ADCY8: variants seen among roughly 807,000 people sequenced by gnomAD.
ADCY8 encodes adenylate cyclase type 8.
In ADCY8, 51 loss-of-function variants were observed where a neutral mutation model predicts 119.7. The ratio of observed to expected loss-of-function variants is 0.43; its 90% CI spans 0.34 to 0.54. ADCY8 has a LOEUF of 0.54. Ranked by LOEUF, ADCY8 falls within the 20% of genes least tolerant of loss-of-function variation. The pLI is 0.03. For synonymous variants in ADCY8, 665 were observed against 651.0 expected, an observed-to-expected ratio of 1.02 and a Z score of -0.33; for missense variants, 1,383 against 1,598.8, an observed-to-expected ratio of 0.87 and a Z score of 2.30.
In ADCY8 at chr8:130,819,154, G is replaced by T. The variant is rs1248934370; in HGVS notation, c.2754+2188C>A. Among the ~76,000 whole-genome samples the T allele has an allele frequency of 3.9e-5, 6 of 152,254 alleles. No individual in the cohort carries two copies. In the East Asian group the frequency reaches 1.2e-3, roughly 29 times the overall value. ...TGAAAATCAGAAAGTTAAGTAAATTGTTGAAAGTCACATAGCTACTAAGTG... is the reference window on the plus strand; with the variant it reads ...TGAAAATCAGAAAGTTAAGTAAATTTTTGAAAGTCACATAGCTACTAAGTG... On this transcript the variant is annotated intron_variant, in intron 13 of 17. Coordinates refer to ENST00000286355, the MANE Select transcript of ADCY8 (RefSeq NM_001115.3).
intron 14 of ADCY8, among the ~76,000 whole-genome samples, chr8:130,812,354 C>T (rs1816195848): frequency 6.6e-6 from 1 of 152,168 alleles, no homozygotes; most frequent in Non-Finnish European, 1.5e-5. Context: ...CGAATAGTGC[C>T]TAGTGCCTCC....
chr8:130,924,978 A>G lies in ADCY8; in HGVS notation c.1481+12095T>C, dbSNP rs148926693. On this transcript the variant is annotated intron_variant, in intron 5 of 17. Coordinates refer to ENST00000286355, the MANE Select transcript of ADCY8 (RefSeq NM_001115.3). ...AATCCCAGCACTTTGGGAGGCTGAG[A>G]CAGGTGGATCACAAGGTCAGGAGAT... 3.1e-3 allele frequency among the ~76,000 whole-genome samples: 466 copies of G among 151,792 alleles called. 4 individuals carry two copies. The highest frequency in any genetic ancestry group is 0.01 in the African/African-American group (419 of 41,354).
At chr8:130,991,302 T>G (rs1337000375) in intron 1 of ADCY8, among the ~76,000 whole-genome samples, 1 of 152,234 alleles carries the variant, frequency 6.6e-6, no homozygotes, top group Non-Finnish European at 1.5e-5. Context: ...ATGCAGTGTG[T>G]GGTAGCTATA....
At chr8:130,806,279 C>T (rs929900733) in intron 14 of ADCY8, among the ~76,000 whole-genome samples, 5 of 152,230 alleles carry the variant, frequency 3.3e-5, no homozygotes, top group Admixed American at 3.3e-4. Context: ...CCATGACTGG[C>T]AGTGGCTACT....
At chr8:130,994,778 T>C (rs1468732752) in intron 1 of ADCY8, among the ~76,000 whole-genome samples, 1 of 152,186 alleles carries the variant, frequency 6.6e-6, no homozygotes, top group African/African-American at 2.4e-5. Context: ...AGTTCCTTTA[T>C]TTTTACTGCT....
At chr8:131,023,184 T>C (rs539589192) in intron 1 of ADCY8, among the ~76,000 whole-genome samples, 2 of 152,246 alleles carry the variant, frequency 1.3e-5, no homozygotes, top group Non-Finnish European at 1.5e-5. Flanking sequence ...TCAGATATGG[T>C]AGGTGTGTAG....
intron 1 of ADCY8, among the ~76,000 whole-genome samples, chr8:131,008,431 C>T (rs1037327171): frequency 6.6e-6 from 1 of 152,150 alleles, no homozygotes; most frequent in Non-Finnish European, 1.5e-5. Context: ...AAGCGTCTGG[C>T]ATGTCCCCTG....
intron 8 of ADCY8, among the ~76,000 whole-genome samples, chr8:130,874,345 AT>A (rs1473720149): frequency 4.6e-5 from 7 of 151,626 alleles, no homozygotes; most frequent in South Asian, 2.1e-4. Context: ...AAATAAATAA[AT>A]AAATAAATAA....
Position 131,026,246 on chromosome 8 carries a change from C to G in ADCY8, c.960+13128G>C, listed in dbSNP as rs550912153. 3.3e-5 allele frequency among the ~76,000 whole-genome samples: 5 copies of G among 152,268 alleles called. No homozygotes were observed. In the East Asian group the frequency reaches 7.7e-4, roughly 24 times the overall value. On this transcript the variant is annotated intron_variant, in intron 1 of 17. Transcript: ENST00000286355. ...TAGAAAAAAGGCCTCAGAGAGCTGC[C>G]TTGTCTCTTTCATCCTGCAAGGACA...
At chr8:130,896,537 C>G (rs149193665) in intron 7 of ADCY8, among the ~76,000 whole-genome samples, 1 of 152,070 alleles carries the variant, frequency 6.6e-6, no homozygotes, top group Non-Finnish European at 1.5e-5. Flanking sequence ...CAATATCACT[C>G]AATAAGAGAA....
chr8:130,961,653 C>A (rs1821610278), intron 2 of ADCY8, among the ~76,000 whole-genome samples: 1 of 152,152 alleles, frequency 6.6e-6, no homozygotes, highest in African/African-American at 2.4e-5. Context: ...GTTTAGTTGT[C>A]TGGTTCCCCT....
intron 2 of ADCY8, among the ~76,000 whole-genome samples, chr8:130,962,830 G>C (rs947998790): frequency 1.3e-5 from 2 of 152,204 alleles, no homozygotes; most frequent in African/African-American, 4.8e-5. Context: ...TGCAGGCAAA[G>C]TGGCATTAAC....
intron 1 of ADCY8, chr8:130,990,773 G>T: frequency 4.8e-6 from 2 of 414,200 alleles, no homozygotes; most frequent in Non-Finnish European, 8.4e-6. Context: ...TTCTCCCCAG[G>T]TTTAGACTGG....
rs574997283 is a variant in ADCY8, at chr8:130,859,068, T to C, written c.2210+8778A>G. Among the ~76,000 whole-genome samples the C allele has an allele frequency of 2.6e-5, 4 of 152,264 alleles. No individual in the cohort carries two copies. In the South Asian group the frequency reaches 8.3e-4, roughly 32 times the overall value. ...AGGAGCCCTGGTTCCTTTTATTGGA[T>C]ATCGGCATTAGAAACCAAGATGTGA... On this transcript the variant is annotated intron_variant, in intron 9 of 17. Transcript: ENST00000286355.
chr8:130,804,143 T>C (rs1483772971), intron 14 of ADCY8, among the ~76,000 whole-genome samples: 1 of 152,230 alleles, frequency 6.6e-6, no homozygotes, highest in Non-Finnish European at 1.5e-5. Flanking sequence ...AAGTCTCTGT[T>C]TACTGTATTA....
In ADCY8 at chr8:130,830,998, A is replaced by G. The variant is rs192451768; in HGVS notation, c.2675+5279T>C. Among the ~76,000 whole-genome samples, 3 of 152,362 alleles carry G rather than the reference A, an allele frequency of 2.0e-5. No homozygotes were observed. In the East Asian group the frequency reaches 5.8e-4, roughly 29 times the overall value. On this transcript the variant is annotated intron_variant, in intron 12 of 17. Coordinates refer to ENST00000286355, the MANE Select transcript of ADCY8 (RefSeq NM_001115.3). The stretch of plus-strand genomic sequence containing the variant: ...TTAGAATACATAAGTAATAAAGACT[A>G]TGAGAGGACAAAACACTAAATGCTT...
intron 5 of ADCY8, among the ~76,000 whole-genome samples, chr8:130,914,025 T>C (rs1820056877): frequency 6.6e-6 from 1 of 152,216 alleles, no homozygotes; most frequent in African/African-American, 2.4e-5. Context: ...GCCTGGCCTA[T>C]AATAAGGACT....
intron 5 of ADCY8, among the ~76,000 whole-genome samples, chr8:130,922,227 T>TA (rs1329424251): frequency 4.0e-5 from 6 of 149,538 alleles, no homozygotes; most frequent in South Asian, 4.2e-4. Flanking sequence ...TTTTTTTTTT[T>TA]AATTGATCAT....
chr8:130,807,693 T>C (rs2130139461), intron 14 of ADCY8, among the ~76,000 whole-genome samples: 1 of 152,266 alleles, frequency 6.6e-6, no homozygotes, highest in South Asian at 2.1e-4. Flanking sequence ...CTTTAAAAAT[T>C]GGCCAGTATC....
Sources: allele counts gnomAD v4.1 joint callset (sites outside exome capture counted in the v4.1 genomes callset), GRCh38; gene constraint gnomAD v4.1.1; transcripts MANE v1.5; gene names NCBI Gene and HGNC (gene_info 2026-07-23, HGNC 2026-07-21).